The following KCTD16 variants were observed in gnomAD, a reference collection of about 807,000 sequenced individuals.
KCTD16 encodes BTB/POZ domain-containing protein KCTD16.
KCTD16 carries 13 observed loss-of-function variants against 33.2 expected under a neutral mutation model. The observed-to-expected ratio is 0.39, with a 90% CI of 0.25 to 0.62. The LOEUF is 0.62. Ranked by LOEUF, KCTD16 falls within the 20% of genes least tolerant of loss-of-function variation. The pLI, the probability that KCTD16 is intolerant of heterozygous loss-of-function variation, is 0.50. For synonymous variants in KCTD16, 197 were observed against 195.3 expected, an observed-to-expected ratio of 1.01 and a Z score of -0.07; for missense variants, 441 against 525.1, an observed-to-expected ratio of 0.84 and a Z score of 1.57.
At chr5:144,285,421 C>T (rs1264380129) in intron 3 of KCTD16, among the ~76,000 whole-genome samples, 1 of 152,186 alleles carries the variant, frequency 6.6e-6, no homozygotes, top group African/African-American at 2.4e-5. Flanking sequence ...CTTTTCATTT[C>T]TTCTCCAGCC....
At chr5:144,408,071 G>C (rs1752851557) in intron 3 of KCTD16, among the ~76,000 whole-genome samples, 1 of 152,214 alleles carries the variant, frequency 6.6e-6, no homozygotes, top group African/African-American at 2.4e-5. Flanking sequence ...TAATGGGATT[G>C]CTGGGCCAAA....
chr5:144,290,760 C>CT (rs1421762735), intron 3 of KCTD16, among the ~76,000 whole-genome samples: 108 of 152,188 alleles, frequency 7.1e-4, no homozygotes, highest in African/African-American at 2.4e-3. Context: ...TAGTTTTTAC[C>CT]TTTCATAATT....
intron 3 of KCTD16, among the ~76,000 whole-genome samples, chr5:144,301,670 C>G (rs768129693): frequency 6.6e-6 from 1 of 152,140 alleles, no homozygotes; most frequent in Admixed American, 6.6e-5. Context: ...TCTTTGGTAA[C>G]GCTCTGTCAT....
At chr5:144,248,223 C>T (rs1754602595) in intron 3 of KCTD16, among the ~76,000 whole-genome samples, 1 of 152,054 alleles carries the variant, frequency 6.6e-6, no homozygotes, top group African/African-American at 2.4e-5. Flanking sequence ...GAGAGAGTTA[C>T]AAGGATGATG....
intron 3 of KCTD16, among the ~76,000 whole-genome samples, chr5:144,259,170 A>G (rs1754932922): frequency 6.8e-6 from 1 of 147,048 alleles, no homozygotes. Context: ...AGGCAGGAGA[A>G]TGGGGTGAAC....
chr5:144,367,009 G>A (rs894130444), intron 3 of KCTD16, among the ~76,000 whole-genome samples: 4 of 152,212 alleles, frequency 2.6e-5, no homozygotes, highest in Non-Finnish European at 5.9e-5. Context: ...TTAGAGGAGG[G>A]GTCAGCTCAT....
chr5:144,244,112 T>A (rs1754483519), intron 3 of KCTD16, among the ~76,000 whole-genome samples: 1 of 152,178 alleles, frequency 6.6e-6, no homozygotes, highest in Non-Finnish European at 1.5e-5. Context: ...ATGGAGAGTT[T>A]CTAAGACTCC....
intron 3 of KCTD16, among the ~76,000 whole-genome samples, chr5:144,410,504 A>G (rs1042269433): frequency 6.6e-6 from 1 of 152,180 alleles, no homozygotes; most frequent in Admixed American, 6.5e-5. Context: ...TATGGACTAT[A>G]GAAACTAATA....
chr5:144,374,648 A>C (rs898658202), intron 3 of KCTD16, among the ~76,000 whole-genome samples: 5 of 152,214 alleles, frequency 3.3e-5, no homozygotes, highest in Non-Finnish European at 7.3e-5. Flanking sequence ...AAAGGAAAGC[A>C]GAGCAGTACT....
At chr5:144,370,221 G>C (rs10075906) in intron 3 of KCTD16, among the ~76,000 whole-genome samples, 7,051 of 152,094 alleles carry the variant, frequency 0.046, 573 homozygotes, top group African/African-American at 0.16. Flanking sequence ...TGTGAATGTC[G>C]TGGCAGCTAA....
At chr5:144,411,425 T>A (rs1752930021) in intron 3 of KCTD16, among the ~76,000 whole-genome samples, 1 of 152,128 alleles carries the variant, frequency 6.6e-6, no homozygotes, top group Non-Finnish European at 1.5e-5. Flanking sequence ...CAAGAACATA[T>A]GATAGAGAAA....
intron 3 of KCTD16, among the ~76,000 whole-genome samples, chr5:144,212,135 T>A (rs1753415849): frequency 6.6e-6 from 1 of 152,174 alleles, no homozygotes; most frequent in Non-Finnish European, 1.5e-5. Context: ...TAAGGCTTCA[T>A]TATGAAGTCA....
At chr5:144,314,719 A>C (rs1222376552) in intron 3 of KCTD16, among the ~76,000 whole-genome samples, 1 of 152,226 alleles carries the variant, frequency 6.6e-6, no homozygotes, top group Non-Finnish European at 1.5e-5. Flanking sequence ...TTGAATACAC[A>C]AAGCTTTATT....
intron 3 of KCTD16, among the ~76,000 whole-genome samples, chr5:144,443,866 T>C (rs1363835041): frequency 7.2e-5 from 11 of 152,134 alleles, no homozygotes. Flanking sequence ...ATTAGATACT[T>C]TGATACAGGC....
chr5:144,379,491 A>G (rs540874458), intron 3 of KCTD16, among the ~76,000 whole-genome samples: 7 of 152,234 alleles, frequency 4.6e-5, no homozygotes, highest in African/African-American at 1.7e-4. Flanking sequence ...TTACTTTTGG[A>G]GGATATCTTT....
In KCTD16 at chr5:144,447,439, G is replaced by A. The variant is rs147727931; in HGVS notation, c.833-26221G>A. 5.2e-3 allele frequency among the ~76,000 whole-genome samples: 790 copies of A among 152,124 alleles called. 7 individuals are homozygous for A. The highest frequency in any genetic ancestry group is 0.018 in the African/African-American group (758 of 41,502). On this transcript the variant is annotated intron_variant, in intron 3 of 3. Coordinates refer to ENST00000512467, the MANE Select transcript of KCTD16 (RefSeq NM_020768.4). ...GGGGACAAGGGGAGGCATAGCATTAGGAGAAATACCTACTGTAGATGATGG... is the reference window on the plus strand; with the variant it reads ...GGGGACAAGGGGAGGCATAGCATTAAGAGAAATACCTACTGTAGATGATGG...
chr5:144,204,946 G>A (rs1753126168), intron 2 of KCTD16, among the ~76,000 whole-genome samples: 1 of 151,778 alleles, frequency 6.6e-6, no homozygotes, highest in African/African-American at 2.4e-5. Context: ...TTTAAAACAA[G>A]CATTAGAGGG....
chr5:144,176,430 C>G (rs61101203), intron 2 of KCTD16, among the ~76,000 whole-genome samples: 7,325 of 121,614 alleles, frequency 0.06, 580 homozygotes, highest in African/African-American at 0.19. Context: ...GAGTCTCGCT[C>G]TGTCGCCCAG....
chr5:144,306,091 C>T (rs1284607495), intron 3 of KCTD16, among the ~76,000 whole-genome samples: 1 of 152,194 alleles, frequency 6.6e-6, no homozygotes, highest in Non-Finnish European at 1.5e-5. Flanking sequence ...CTGCTATTAT[C>T]ATTATCATGA....
Sources: gnomAD v4.1 joint callset for allele counts (sites outside exome capture counted in the v4.1 genomes callset) on GRCh38, gnomAD v4.1.1 for gene constraint, MANE v1.5 for transcripts, NCBI Gene and HGNC (gene_info 2026-07-23, HGNC 2026-07-21) for gene names.